The following BLTP3B variants were observed in gnomAD, a reference collection of about 807,000 sequenced individuals.
The protein encoded by BLTP3B is UHRF1 (ICBP90) binding protein 1-like.
chr12:100,137,467 G>C, the BLTP3B span, among the ~76,000 whole-genome samples: 10 of 152,064 alleles, frequency 6.6e-5, no homozygotes, highest in Non-Finnish European at 1.2e-4. Flanking sequence ...TTTGAGACCA[G>C]GTTATGAGAC....
At chr12:100,039,018 T>G in the BLTP3B span, among the ~76,000 whole-genome samples, 1 of 152,162 alleles carries the variant, frequency 6.6e-6, no homozygotes, top group Non-Finnish European at 1.5e-5. Flanking sequence ...TCTTCAATAG[T>G]CACGGATCAT....
the BLTP3B span, chr12:100,088,932 A>G: frequency 6.4e-7 from 1 of 1,572,422 alleles, no homozygotes; most frequent in African/African-American, 1.4e-5. Context: ...TTTAGCATGA[A>G]TGTCATCACA....
At chr12:100,127,759 TC>T in the BLTP3B span, among the ~76,000 whole-genome samples, 1 of 152,172 alleles carries the variant, frequency 6.6e-6, no homozygotes, top group Admixed American at 6.5e-5. Flanking sequence ...ATACCTGTAA[TC>T]CTAGCACTTT....
the BLTP3B span, among the ~76,000 whole-genome samples, chr12:100,136,403 G>C: frequency 6.6e-6 from 1 of 152,014 alleles, no homozygotes; most frequent in African/African-American, 2.4e-5. Flanking sequence ...ATAGGTTACA[G>C]TTAGTGATCC....
chr12:100,063,970 G>C, the BLTP3B span, among the ~76,000 whole-genome samples: 14 of 152,148 alleles, frequency 9.2e-5, no homozygotes, highest in African/African-American at 3.1e-4. Flanking sequence ...GAATTCAGGA[G>C]GTTAGTTATT....
chr12:100,142,851 G>A, the BLTP3B span: 4 of 603,800 alleles, frequency 6.6e-6, no homozygotes, highest in Non-Finnish European at 1.1e-5. Flanking sequence ...CGCCATCTTG[G>A]CTGCAGCATC....
At chr12:100,064,917 A>G in the BLTP3B span, among the ~76,000 whole-genome samples, 6 of 152,072 alleles carry the variant, frequency 3.9e-5, no homozygotes, top group Non-Finnish European at 5.9e-5. Flanking sequence ...AACAAGGTAT[A>G]CAAGCAACGA....
the BLTP3B span, chr12:100,095,620 T>C: frequency 1.9e-6 from 3 of 1,566,386 alleles, no homozygotes; most frequent in Non-Finnish European, 2.6e-6. Context: ...ATTTTTAAAC[T>C]ATTTTCATGT....
At chr12:100,108,438 A>G in the BLTP3B span, 1 of 1,613,500 alleles carries the variant, frequency 6.2e-7, no homozygotes, top group Non-Finnish European at 8.5e-7. Flanking sequence ...CCATGTTGGC[A>G]AATCCAACAT....
the BLTP3B span, chr12:100,093,082 T>C: frequency 8.2e-4 from 369 of 451,190 alleles, 3 homozygotes; most frequent in African/African-American, 7.5e-3. Context: ...TTATACAACA[T>C]GTTTCATATA....
the BLTP3B span, among the ~76,000 whole-genome samples, chr12:100,140,729 A>AAAAAATATATATATATAT: frequency 3.3e-5 from 2 of 61,498 alleles, no homozygotes; most frequent in Non-Finnish European, 5.3e-5. Context: ...AAAAAAAAAA[A>AAAAAATATATATATATAT]ATATATATAT....
chr12:100,142,304 CAGA>C, the BLTP3B span, among the ~76,000 whole-genome samples: 1 of 152,218 alleles, frequency 6.6e-6, no homozygotes, highest in African/African-American at 2.4e-5. Flanking sequence ...GGGACGCCCC[CAGA>C]CGCCGCGCCG....
chr12:100,043,501 G>A, the BLTP3B span, among the ~76,000 whole-genome samples: 5 of 152,158 alleles, frequency 3.3e-5, no homozygotes, highest in Non-Finnish European at 7.3e-5. Flanking sequence ...AATTATAAAA[G>A]CTGATTAGTA....
chr12:100,074,345 T>C, the BLTP3B span, among the ~76,000 whole-genome samples: 1 of 152,138 alleles, frequency 6.6e-6, no homozygotes, highest in Non-Finnish European at 1.5e-5. Context: ...ACACCTGTAA[T>C]CCCAGCACGG....
At chr12:100,142,757 GGA>G in the BLTP3B span, 1 of 1,438,384 alleles carries the variant, frequency 7.0e-7, no homozygotes, top group Admixed American at 2.3e-5. Context: ...CTCACGACCG[GGA>G]GAGACCCAAG....
chr12:100,047,764 G>A, the BLTP3B span: 10 of 1,042,952 alleles, frequency 9.6e-6, no homozygotes, highest in Non-Finnish European at 1.4e-5. Flanking sequence ...GTTATATTTT[G>A]CCTGTTATAT....
At chr12:100,096,876 T>G in the BLTP3B span, among the ~76,000 whole-genome samples, 1 of 151,936 alleles carries the variant, frequency 6.6e-6, no homozygotes, top group Non-Finnish European at 1.5e-5. Flanking sequence ...CTCCAGGAGC[T>G]CAAGACCAGT....
the BLTP3B span, among the ~76,000 whole-genome samples, chr12:100,122,657 TA>T: frequency 1.3e-5 from 2 of 152,212 alleles, no homozygotes. Context: ...TGTGATCCAA[TA>T]AAACTTTGTT....
At chr12:100,039,563 C>T in the BLTP3B span, 3 of 1,565,484 alleles carry the variant, frequency 1.9e-6, no homozygotes, top group Admixed American at 3.8e-5. Flanking sequence ...TATTTAATTG[C>T]TGAAGCTGAA....
Sources: allele counts gnomAD v4.1 joint callset (sites outside exome capture counted in the v4.1 genomes callset), GRCh38; gene constraint gnomAD v4.1.1; transcripts MANE v1.5; gene names NCBI Gene and HGNC (gene_info 2026-07-23, HGNC 2026-07-21).